CALB2: variants seen among roughly 807,000 people sequenced by gnomAD.
CALB2 encodes calbindin 2, also known as calretinin.
A neutral mutation model predicts 45.9 loss-of-function variants in CALB2; 34 were observed. That is an observed-to-expected ratio of 0.74 (90% CI 0.56 to 0.99). CALB2 has a LOEUF of 0.99. Ranked by LOEUF, CALB2 falls within the 50% of genes least tolerant of loss-of-function variation. CALB2 has a pLI of 0.00. For synonymous variants in CALB2, 142 were observed against 129.6 expected (o/e 1.10, Z -0.65); for missense variants, 344 against 339.3 (o/e 1.01, Z -0.11).
intron 4 of CALB2, among the ~76,000 whole-genome samples, chr16:71,380,163 A>G (rs2042470070): frequency 6.6e-6 from 1 of 151,986 alleles, no homozygotes; most frequent in Admixed American, 6.6e-5. Context: ...TAGGGGGGGC[A>G]GGGATGCTTA....
At chr16:71,383,830 T>G in intron 6 of CALB2, 140 bp from the exon 7 acceptor site, 1 of 924,796 alleles carries the variant, frequency 1.1e-6, no homozygotes, top group Non-Finnish European at 1.8e-6. Context: ...TTAGCCCATG[T>G]TGGTTCTTGG....
intron 3 of CALB2, among the ~76,000 whole-genome samples, chr16:71,376,295 T>C (rs900519155): frequency 3.3e-5 from 5 of 152,168 alleles, no homozygotes; most frequent in Non-Finnish European, 7.4e-5. Context: ...CTGAGGGCCA[T>C]AGCTTACCAT....
chr16:71,358,751 G>C lies in CALB2; in HGVS notation c.-42G>C, dbSNP rs888694248. The C allele has an allele frequency of 1.0e-5, 15 of 1,506,734 alleles. No homozygotes were observed. Among genetic ancestry groups the C allele is most frequent in the Non-Finnish European group, 1.4e-5 (15 of 1,101,380 alleles). 93.3% of individuals were successfully genotyped at this position (1,506,734 alleles called of 1,614,324 possible). ...GCGAGTGCCAGAGCCCAGCCGGCGC[G>C]GAGCGGGAGCGGTGCAGGCTGAGGT... On this transcript the variant is annotated 5_prime_UTR_variant, in exon 1 of 11. Transcript: ENST00000302628.
chr16:71,383,461 G>A lies in CALB2; in HGVS notation c.477+17G>A, dbSNP rs904672519. 52 of 1,612,072 alleles carry A rather than the reference G, an allele frequency of 3.2e-5. No individual in the cohort carries two copies. The highest frequency in any genetic ancestry group is 4.2e-5 in the Non-Finnish European group (50 of 1,178,448). On this transcript the variant is annotated intron_variant, in intron 6 of 10. Transcript: ENST00000302628. ...CAAACCATAGTGAGTGAACAGAAGT[G>A]TCCCTCTCCCCCAGGGTGCAGGACT...
chr16:71,361,448 A>G (rs1411068842), intron 1 of CALB2, among the ~76,000 whole-genome samples: 1 of 152,098 alleles, frequency 6.6e-6, no homozygotes, highest in African/African-American at 2.4e-5. Context: ...TCTCCTACCA[A>G]TTCTGGTTTC....
rs763786236 is a variant in CALB2, at chr16:71,389,787, C to T, written c.738C>T (p.Ser246=). Residue 246 remains serine (S), a synonymous_variant, in exon 11 of 11, where the codon AGC becomes AGT. Transcript: ENST00000302628. ...AACAGCTCACCAACTACAGAAAGAGCGTCATGTCCTTGGCAGAGGCAGGGA... is the reference window on the plus strand; with the variant it reads ...AACAGCTCACCAACTACAGAAAGAGTGTCATGTCCTTGGCAGAGGCAGGGA... The part of the protein sequence containing the change: ...NIQQLTNYRK[S]VMSLAEAGKL... 1.2e-5 allele frequency: 19 copies of T among 1,613,876 alleles called. No individual in the cohort carries two copies. Among genetic ancestry groups the T allele is most frequent in the East Asian group, 2.2e-5 (1 of 44,888 alleles).
chr16:71,385,130 C>A (rs1249298859), intron 9 of CALB2, among the ~76,000 whole-genome samples: 1 of 152,280 alleles, frequency 6.6e-6, no homozygotes, highest in Admixed American at 6.5e-5. Flanking sequence ...ACACTCAGAA[C>A]TGCCCTGGTG....
intron 4 of CALB2, among the ~76,000 whole-genome samples, chr16:71,380,927 G>A (rs1057025414): frequency 2.0e-5 from 3 of 152,210 alleles, no homozygotes; most frequent in African/African-American, 7.2e-5. Context: ...TGAATGAGAA[G>A]AGAAAGGATG....
intron 5 of CALB2, 43 bp downstream of exon 5, chr16:71,382,818 G>A (rs2144996271): frequency 6.4e-7 from 1 of 1,554,338 alleles, no homozygotes; most frequent in African/African-American, 1.4e-5. Context: ...GAGTGGCGGT[G>A]GGCTTAAGGT....
chr16:71,382,156 GAAAAT>G (rs759411032), intron 4 of CALB2, among the ~76,000 whole-genome samples: 3 of 28,498 alleles, frequency 1.1e-4, no homozygotes, highest in African/African-American at 2.0e-4. Flanking sequence ...AGGAAGGAAA[GAAAAT>G]AAAGGAAGGA....
intron 9 of CALB2, among the ~76,000 whole-genome samples, chr16:71,385,059 T>G (rs918035745): frequency 2.0e-5 from 3 of 152,068 alleles, no homozygotes; most frequent in Non-Finnish European, 4.4e-5. Flanking sequence ...CGAGAATCGT[T>G]GGGGGAGGAC....
intron 10 of CALB2, among the ~76,000 whole-genome samples, chr16:71,385,971 C>T (rs1046083159): frequency 3.3e-5 from 5 of 152,258 alleles, no homozygotes; most frequent in South Asian, 2.1e-4. Flanking sequence ...CATCCTGCAG[C>T]GCCAAAACCT....
chr16:71,362,720 G>A (rs1367656997), intron 1 of CALB2, among the ~76,000 whole-genome samples: 4 of 152,266 alleles, frequency 2.6e-5, no homozygotes, highest in Non-Finnish European at 4.4e-5. Flanking sequence ...ATATATGTAT[G>A]TTGCAGGATA....
At chr16:71,387,586 T>C (rs1330913812) in intron 10 of CALB2, among the ~76,000 whole-genome samples, 2 of 152,068 alleles carry the variant, frequency 1.3e-5, no homozygotes, top group Non-Finnish European at 2.9e-5. Flanking sequence ...GCTGATGGGA[T>C]TGAACTTCAG....
chr16:71,384,349 G>C lies in CALB2; in HGVS notation c.544G>C (p.Val182Leu). Residue 182 changes from valine (V) to leucine (L), a missense_variant, in exon 8 of 11, where the codon GTC (valine) becomes CTC (leucine). Transcript: ENST00000302628. Reference protein sequence around the residue: ...GLSEMSRLLPVQENFLLKFQG... With the variant: ...GLSEMSRLLPLQENFLLKFQG... ...ACATTTTCTCCCCAGACTCCTGCCTGTCCAGGAAAACTTCCTGCTTAAATT... is the reference window on the plus strand; with the variant it reads ...ACATTTTCTCCCCAGACTCCTGCCTCTCCAGGAAAACTTCCTGCTTAAATT... The C allele has an allele frequency of 6.2e-7, 1 of 1,613,058 alleles. No individual in the cohort carries two copies. The highest frequency in any genetic ancestry group is 8.5e-7 in the Non-Finnish European group (1 of 1,179,584).
chr16:71,386,680 T>C (rs2042574771), intron 10 of CALB2, among the ~76,000 whole-genome samples: 1 of 152,258 alleles, frequency 6.6e-6, no homozygotes, highest in African/African-American at 2.4e-5. Context: ...CAACTGGTTT[T>C]GCTGCTTTCT....
In CALB2 at chr16:71,372,127, T is replaced by A. The variant is rs201248006; in HGVS notation, c.95-26T>A. ...CCCCCCTTACTATTTAGTGCTGAGA[T>A]TGATTTTTTCTCTCTCTTTTTACAG... On this transcript the variant is annotated intron_variant, in intron 1 of 10. Transcript: ENST00000302628. The A allele has an allele frequency of 4.1e-5, 62 of 1,513,658 alleles. 2 individuals are homozygous for A. The South Asian group carries it at 6.5e-4, about 16-fold the overall frequency. 93.8% of individuals were successfully genotyped at this position (1,513,658 alleles called of 1,614,324 possible). A position where few individuals can be genotyped will look rare whatever the true frequency, so the allele number is the denominator to read the frequency against.
chr16:71,359,343 A>G (rs1237668632), intron 1 of CALB2, among the ~76,000 whole-genome samples: 1 of 152,322 alleles, frequency 6.6e-6, no homozygotes, highest in East Asian at 1.9e-4. Flanking sequence ...CCTGAAGGGA[A>G]ACGTGGCCTC....
intron 2 of CALB2, among the ~76,000 whole-genome samples, chr16:71,373,237 T>C (rs2042373099): frequency 6.6e-6 from 1 of 152,034 alleles, no homozygotes; most frequent in African/African-American, 2.4e-5. Flanking sequence ...TGTTGGCCAA[T>C]CCACTGTTTA....
Sources: gnomAD v4.1 joint callset for allele counts (sites outside exome capture counted in the v4.1 genomes callset) on GRCh38, gnomAD v4.1.1 for gene constraint, MANE v1.5 for transcripts, NCBI Gene and HGNC (gene_info 2026-07-23, HGNC 2026-07-21) for gene names.